The following RNF157 variants were observed in gnomAD, a reference collection of about 807,000 sequenced individuals.
The protein encoded by RNF157 is ring finger protein 157, also known as E3 ubiquitin ligase RNF157.
Under a neutral mutation model 88.3 loss-of-function variants are expected in RNF157, and 55 were observed. The ratio of observed to expected loss-of-function variants is 0.62; its 90% CI spans 0.50 to 0.78. The LOEUF (loss-of-function observed/expected upper bound fraction) is 0.78. RNF157 is among the 30% of genes least tolerant of loss of function. The probability of loss-of-function intolerance (pLI) is 0.00; values close to 1 mark genes in which losing one functional copy is unlikely to be tolerated. For synonymous variants in RNF157, 334 were observed against 341.2 expected (o/e 0.98, Z 0.23); for missense variants, 788 against 860.8 (o/e 0.92, Z 1.06).
chr17:76,157,212 CGCCTCGGCCTCCCAAAGT>C lies in RNF157; in HGVS notation c.1414-909_1414-892del, dbSNP rs2068780870. Among the ~76,000 whole-genome samples the C allele has an allele frequency of 6.6e-6, 1 of 152,222 alleles. No individual in the cohort carries two copies. Among genetic ancestry groups the C allele is most frequent in the Admixed American group, 6.5e-5 (1 of 15,284 alleles). ...CGATCTCCTGACCTCGTGATCCGCC[CGCCTCGGCCTCCCAAAGT>C]GCCGGGATTCCAGGCGTGAGCCTCC... On this transcript the variant is annotated intron_variant, in intron 13 of 18. Coordinates refer to ENST00000269391, the MANE Select transcript of RNF157 (RefSeq NM_052916.3). This position sits in a 1 kb window ranked among gnomAD's most constrained non-coding sequence, Gnocchi z 5.6.
In RNF157 at chr17:76,190,410, G is replaced by A. The variant is rs1263382839; in HGVS notation, c.208-16620C>T. The stretch of plus-strand genomic sequence containing the variant: ...TCAAACCCCTGGCCCCAAGTGATCT[G>A]CCTGCCTCAGCTTCCCAAAGTGCTG... On this transcript the variant is annotated intron_variant, in intron 2 of 18. Transcript: ENST00000269391. Among the ~76,000 whole-genome samples the A allele has an allele frequency of 2.0e-5, 3 of 151,864 alleles. No individual in the cohort carries two copies. In the East Asian group the frequency reaches 5.8e-4, roughly 29 times the overall value.
At position 76,160,374 on chromosome 17, in the gene RNF157, GT is replaced by G. The variant is rs59430937; in HGVS notation, c.1066-802del. On this transcript the variant is annotated intron_variant, in intron 11 of 18. Coordinates refer to ENST00000269391, the MANE Select transcript of RNF157 (RefSeq NM_052916.3). This position sits in a 1 kb window ranked among gnomAD's most constrained non-coding sequence, Gnocchi z 4.3. ...TTGATATATACTGCTGTTTTCTGCT[GT>G]TTTTTTTTTCAGTGCCTTTTCTAGT... Among the ~76,000 whole-genome samples, 42,909 of 147,756 alleles carry G rather than the reference GT, an allele frequency of 0.29. 6,772 individuals carry two copies. Among genetic ancestry groups the G allele is most frequent in the African/African-American group, 0.43 (17,604 of 40,522 alleles).
chr17:76,197,861 G>T (rs908670057), intron 2 of RNF157, among the ~76,000 whole-genome samples: 1 of 152,214 alleles, frequency 6.6e-6, no homozygotes, highest in African/African-American at 2.4e-5. Context: ...TGGTAGGGAA[G>T]GAGTGAACTC....
At chr17:76,210,375 C>T (rs552035277) in intron 2 of RNF157, among the ~76,000 whole-genome samples, 11 of 151,444 alleles carry the variant, frequency 7.3e-5, no homozygotes, top group East Asian at 3.9e-4. Context: ...GGGCGGATCA[C>T]GAGGTCAGAT....
chr17:76,164,846 C>T, intron 7 of RNF157, 51 bp from the exon 8 acceptor site: 2 of 1,374,174 alleles, frequency 1.5e-6, no homozygotes, highest in South Asian at 1.2e-5. Context: ...TAATAAAGCA[C>T]CAGGTATTCT....
rs56231427 is a variant in RNF157 at position 76,148,261 on chromosome 17, C to CTTT, written c.1922-2911_1922-2909dup. Among the ~76,000 whole-genome samples the CTTT allele has an allele frequency of 2.1e-3, 253 of 121,152 alleles. 3 individuals are homozygous for CTTT. The highest frequency in any genetic ancestry group is 4.4e-3 in the African/African-American group (137 of 30,850). The allele number at this position is 121,152 out of a possible 152,430, so 79.5% of individuals were successfully genotyped here. A position where few individuals can be genotyped will look rare whatever the true frequency, so the allele number is the denominator to read the frequency against. On this transcript the variant is annotated intron_variant, in intron 18 of 18. Transcript: ENST00000269391. ...CTAAAAAGATCCAAATTATCTTTGC[C>CTTT]TTTTTTTTTTTTTTTTTTTTTGAGA...
At chr17:76,201,208 G>A (rs573378924) in intron 2 of RNF157, among the ~76,000 whole-genome samples, 352 of 151,710 alleles carry the variant, frequency 2.3e-3, no homozygotes, top group Non-Finnish European at 4.4e-3. Context: ...ATGAAGAGCC[G>A]GGCACAGTGG....
intron 2 of RNF157, among the ~76,000 whole-genome samples, chr17:76,184,930 C>A (rs2069255266): frequency 6.6e-6 from 1 of 152,186 alleles, no homozygotes; most frequent in African/African-American, 2.4e-5. Context: ...TAATGTTGAC[C>A]TTTTCCAAAA....
chr17:76,165,606 CT>C, intron 6 of RNF157, 61 bp from the exon 7 acceptor site: 2 of 1,574,406 alleles, frequency 1.3e-6, no homozygotes, highest in South Asian at 2.2e-5. Flanking sequence ...ATGCCCATGA[CT>C]TTCTCCAGTT....
At position 76,156,103 on chromosome 17, in the gene RNF157, A is replaced by C. The variant is rs1161580942; in HGVS notation, c.1525+107T>G. ...AGCCAGGGCCTACTTGTCATGCAGT[A>C]CAGGTATTAGCTTGCCACTCCCATG... is the stretch of plus-strand genomic sequence containing the variant. On this transcript the variant is annotated intron_variant, in intron 14 of 18. Transcript: ENST00000269391. 3.6e-6 allele frequency: 3 copies of C among 828,516 alleles called. No homozygotes were observed. The Admixed American group carries it at 6.3e-5, about 17-fold the overall frequency. The allele number at this position is 828,516 out of a possible 1,614,324, so 51.3% of individuals were successfully genotyped here.
At chr17:76,155,133 C>T (rs546516203) in intron 16 of RNF157, 119 bp downstream of exon 16, 1 of 811,088 alleles carries the variant, frequency 1.2e-6, no homozygotes, top group Non-Finnish European at 2.1e-6. Context: ...CTAGGCATGT[C>T]CCCTAGGAAG....
At chr17:76,167,494 C>T (rs111232540) in intron 4 of RNF157, among the ~76,000 whole-genome samples, 157 bp downstream of exon 4, 128 of 152,298 alleles carry the variant, frequency 8.4e-4, no homozygotes, top group Middle Eastern at 3.4e-3. Flanking sequence ...GAATGTTTTC[C>T]GCCCTTGCTG....
chr17:76,191,831 G>C (rs2144946692), intron 2 of RNF157, among the ~76,000 whole-genome samples: 1 of 152,236 alleles, frequency 6.6e-6, no homozygotes, highest in East Asian at 1.9e-4. Context: ...GTAATAATCA[G>C]GGCTACTATT....
In RNF157 at chr17:76,161,744, C is replaced by T. The variant is rs745378595; in HGVS notation, c.953-97G>A. ...ACCATGATCCCTCCCAGCGCGCATC[C>T]GTTTGTCAGATCCAGCAGCAGCACA... On this transcript the variant is annotated intron_variant, in intron 10 of 18. Transcript: ENST00000269391. The surrounding 1 kb of genome is among the most constrained non-coding windows in gnomAD (Gnocchi z 4.6). The T allele has an allele frequency of 5.2e-6, 8 of 1,534,538 alleles. No homozygotes were observed. The highest frequency in any genetic ancestry group is 1.8e-5 in the Admixed American group (1 of 56,760).
intron 1 of RNF157, among the ~76,000 whole-genome samples, chr17:76,227,760 C>T (rs2070118514): frequency 6.6e-6 from 1 of 151,948 alleles, no homozygotes; most frequent in African/African-American, 2.4e-5. Context: ...GCCTGTAGTC[C>T]CAGCTACTCA....
Position 76,158,439 on chromosome 17 carries a change from G to A in RNF157, c.1367C>T (p.Ser456Leu), listed in dbSNP as rs769543385. Reference protein sequence around the residue: ...EEEDEHSCSESETQLSQRPSV... With the variant: ...EEEDEHSCSELETQLSQRPSV... ...CGGTCTCTGAGAGAGCTGTGTCTCC[G>A]ACTCGCTGCAGGAATGCTCATCTTC... The change falls in exon 13 of 19, where the codon TCG becomes TTG. Residue 456 changes from serine (S) to leucine (L), a missense_variant. Transcript: ENST00000269391. 5 of 1,613,916 alleles carry A rather than the reference G, an allele frequency of 3.1e-6. No homozygotes were observed. Among genetic ancestry groups the A allele is most frequent in the Admixed American group, 1.7e-5 (1 of 60,024 alleles).
At chr17:76,167,546 G>T in intron 4 of RNF157, 105 bp downstream of exon 4, 2 of 1,507,020 alleles carry the variant, frequency 1.3e-6, no homozygotes, top group Non-Finnish European at 9.0e-7. Context: ...GAAGGAAGTG[G>T]CTCGCCTGGT....
intron 2 of RNF157, among the ~76,000 whole-genome samples, chr17:76,198,807 A>T (rs1465651589): frequency 6.6e-6 from 1 of 152,232 alleles, no homozygotes; most frequent in African/African-American, 2.4e-5. Context: ...ACAGGGAGGC[A>T]TACCAGGCCC....
intron 2 of RNF157, among the ~76,000 whole-genome samples, chr17:76,211,048 G>A (rs540192730): frequency 7.2e-5 from 11 of 152,144 alleles, no homozygotes; most frequent in Non-Finnish European, 1.3e-4. Flanking sequence ...CAGGTGATCT[G>A]TCCACCTCGG....
Sources: gnomAD v4.1 joint callset for allele counts (sites outside exome capture counted in the v4.1 genomes callset) on GRCh38, gnomAD v4.1.1 for gene constraint, Gnocchi (gnomAD v3.1) non-coding constraint, MANE v1.5 for transcripts, NCBI Gene and HGNC (gene_info 2026-07-23, HGNC 2026-07-21) for gene names.